The following AKAP14 variants were observed in gnomAD, a reference collection of about 807,000 sequenced individuals.
The protein encoded by AKAP14 is A-kinase anchoring protein 14, also known as A-kinase anchor protein 14.
In AKAP14, 4 loss-of-function variants were observed where a neutral mutation model predicts 17.0. The ratio of observed to expected loss-of-function variants is 0.23; its 90% confidence interval spans 0.12 to 0.54. The LOEUF (loss-of-function observed/expected upper bound fraction) is 0.54, where lower values mean the gene tolerates loss of function less well. Among genes scored for constraint, AKAP14 ranks in the 20% least tolerant of loss-of-function variants. AKAP14 has a pLI of 0.95. For synonymous variants in AKAP14, 42 were observed against 51.3 expected (o/e 0.82, Z 0.77); for missense variants, 129 against 150.9 (o/e 0.85, Z 0.76).
In AKAP14 at chrX:119,897,443, G is replaced by A. The variant is rs192982096; in HGVS notation, c.-11+1176G>A. 2.1e-3 allele frequency among the ~76,000 whole-genome samples: 238 copies of A among 112,045 alleles called. 1 individual carries two copies. The highest frequency in any genetic ancestry group is 7.3e-3 in the African/African-American group (225 of 30,901). On this transcript the variant is annotated intron_variant, in intron 2 of 6. Transcript: ENST00000371431. ...CAAAGTGCTGGGATTATAGGTGTGA[G>A]CCACTGCGCCCGGCCCAAATGGACA...
rs375134236 is a variant in AKAP14 at position 119,897,395 on chromosome X, G to A, written c.-11+1128G>A. 3.4e-4 allele frequency among the ~76,000 whole-genome samples: 37 copies of A among 108,521 alleles called. No individual in the cohort carries two copies. In the East Asian group the frequency reaches 4.4e-3, roughly 13 times the overall value. The allele number at this position is 108,521 out of a possible 115,157, so 94.2% of individuals were successfully genotyped here. On this transcript the variant is annotated intron_variant, in intron 2 of 6. Coordinates refer to ENST00000371431, the MANE Select transcript of AKAP14 (RefSeq NM_178813.6). The stretch of plus-strand genomic sequence containing the variant: ...AGGATGGTCTCGATCTCCTGACCTC[G>A]TGATCCGCCCGCCTTGGCCTCCCAA...
At chrX:119,919,840 C>T in intron 5 of AKAP14, 71 bp from the exon 6 acceptor site, 1 of 1,097,124 alleles carries the variant, frequency 9.1e-7, no homozygotes. Context: ...AGCAAGAAGA[C>T]TCCATCTTGA....
At chrX:119,909,435 G>C (rs1255010888) in intron 4 of AKAP14, among the ~76,000 whole-genome samples, 1 of 109,179 alleles carries the variant, frequency 9.2e-6, no homozygotes, top group East Asian at 2.9e-4. Context: ...GGCTGAGGCA[G>C]AAGAATCACT....
chrX:119,915,568 C>T (rs372748447), intron 5 of AKAP14, among the ~76,000 whole-genome samples: 3 of 111,798 alleles, frequency 2.7e-5, no homozygotes, highest in Non-Finnish European at 3.8e-5. Flanking sequence ...TGCAGTGGCA[C>T]GATCTTGGCT....
In AKAP14 at chrX:119,912,139, C is replaced by A. The variant is rs180711993; in HGVS notation, c.262-2560C>A. ...AGAGACGGGGTTTCACCATGTTGGC[C>A]GAGCTGGTCTCGAACTCCTGACCTT... On this transcript the variant is annotated intron_variant, in intron 4 of 6. Transcript: ENST00000371431. Among the ~76,000 whole-genome samples, 580 of 110,318 alleles carry A rather than the reference C, an allele frequency of 5.3e-3. 5 individuals are homozygous for A. The highest frequency in any genetic ancestry group is 0.019 in the Middle Eastern group (4 of 214).
chrX:119,916,461 T>TATC (rs1161149390), intron 5 of AKAP14, among the ~76,000 whole-genome samples: 1 of 108,043 alleles, frequency 9.3e-6, no homozygotes, highest in Non-Finnish European at 1.9e-5. Context: ...TCTATCTATC[T>TATC]ATCTATCTAT....
At chrX:119,905,171 G>C (rs965907398) in intron 4 of AKAP14, among the ~76,000 whole-genome samples, 1 of 112,108 alleles carries the variant, frequency 8.9e-6, no homozygotes, top group Admixed American at 9.5e-5. Flanking sequence ...TGTTCCCCAG[G>C]CCAGCACCTC....
intron 4 of AKAP14, among the ~76,000 whole-genome samples, chrX:119,907,826 A>C: frequency 8.9e-6 from 1 of 111,905 alleles, no homozygotes; most frequent in African/African-American, 3.2e-5. Context: ...CAGTAGGAAA[A>C]GTATTTTTTT....
chrX:119,919,289 A>G (rs1395258365), intron 5 of AKAP14, among the ~76,000 whole-genome samples: 1 of 112,302 alleles, frequency 8.9e-6, no homozygotes, highest in Non-Finnish European at 1.9e-5. Flanking sequence ...CCTATGAGGT[A>G]GAGATTGTCA....
chrX:119,912,843 C>T (rs1468817734), intron 4 of AKAP14, among the ~76,000 whole-genome samples: 1 of 111,630 alleles, frequency 9.0e-6, no homozygotes, highest in Non-Finnish European at 1.9e-5. Flanking sequence ...ATGTAACCAA[C>T]TGTGGATTGA....
At chrX:119,901,950 C>T (rs1256470628) in intron 2 of AKAP14, among the ~76,000 whole-genome samples, 1 of 109,809 alleles carries the variant, frequency 9.1e-6, no homozygotes, top group African/African-American at 3.3e-5. Flanking sequence ...TCCCGGGAGG[C>T]GGAGGTTGCG....
intron 4 of AKAP14, among the ~76,000 whole-genome samples, chrX:119,906,525 G>T (rs1324772228): frequency 3.1e-5 from 3 of 96,728 alleles, no homozygotes; most frequent in Non-Finnish European, 6.0e-5. Flanking sequence ...GAGCCATCGC[G>T]CCCGGCCCTT....
intron 2 of AKAP14, among the ~76,000 whole-genome samples, chrX:119,901,687 C>CA (rs1239548149): frequency 9.9e-6 from 1 of 101,129 alleles, no homozygotes; most frequent in Non-Finnish European, 2.0e-5. Context: ...GCCTGGGCGA[C>CA]AGAACGAAAC....
chrX:119,913,152 A>AAAT (rs773489785), intron 4 of AKAP14, among the ~76,000 whole-genome samples: 4 of 66,216 alleles, frequency 6.0e-5, no homozygotes, highest in African/African-American at 3.2e-4. Context: ...ATAAATAAAT[A>AAAT]AAATAAAATA....
chrX:119,903,193 G>A, intron 2 of AKAP14, 21 bp from the exon 3 acceptor site: 1 of 1,197,808 alleles, frequency 8.3e-7, no homozygotes, highest in Non-Finnish European at 1.1e-6. Flanking sequence ...CAGGCACACA[G>A]TAACTTCTTT....
intron 4 of AKAP14, among the ~76,000 whole-genome samples, chrX:119,904,438 T>C (rs2056586011): frequency 8.9e-6 from 1 of 112,593 alleles, no homozygotes; most frequent in South Asian, 3.6e-4. Flanking sequence ...TTTGCATAAC[T>C]GGTGAGTGAA....
rs184801678 is a variant in AKAP14 at position 119,907,510 on chromosome X, T to C, written c.261+3924T>C. Among the ~76,000 whole-genome samples the C allele has an allele frequency of 9.1e-5, 10 of 110,431 alleles. No individual in the cohort carries two copies. The East Asian group carries it at 2.8e-3, about 31-fold the overall frequency. ...TCTTGCTCTGTCGCCCAAGCTGGAG[T>C]GCAGTGGCGCAATCTCGGCTCACTG... On this transcript the variant is annotated intron_variant, in intron 4 of 6. Transcript: ENST00000371431.
chrX:119,896,965 A>G (rs1160069168), intron 2 of AKAP14, among the ~76,000 whole-genome samples: 3 of 108,541 alleles, frequency 2.8e-5, no homozygotes, highest in Admixed American at 9.9e-5. Flanking sequence ...ATGCACCACC[A>G]TGCCTGGCTA....
At chrX:119,909,477 G>A (rs1441018859) in intron 4 of AKAP14, among the ~76,000 whole-genome samples, 1 of 106,409 alleles carries the variant, frequency 9.4e-6, no homozygotes, top group African/African-American at 3.5e-5. Context: ...GCAGTGAGCC[G>A]AGAAAACGCC....
Sources: allele counts gnomAD v4.1 joint callset (sites outside exome capture counted in the v4.1 genomes callset), GRCh38; gene constraint gnomAD v4.1.1; transcripts MANE v1.5; gene names NCBI Gene and HGNC (gene_info 2026-07-23, HGNC 2026-07-21).